Variants in OTUD7B observed in about 807,000 individuals in gnomAD.
The protein encoded by OTUD7B is OTU domain-containing protein 7B.
Under a neutral mutation model 82.2 loss-of-function variants are expected in OTUD7B, and 34 were observed. The observed-to-expected ratio is 0.41, with a 90% CI of 0.31 to 0.55. OTUD7B has a LOEUF of 0.55. OTUD7B is among the 20% of genes least tolerant of loss of function. The pLI, the probability that OTUD7B is intolerant of heterozygous loss-of-function variation, is 0.20. For synonymous variants in OTUD7B, 398 were observed against 402.7 expected (o/e 0.99, Z 0.14); for missense variants, 944 against 1,062.1 (o/e 0.89, Z 1.55).
At chr1:149,956,671 C>T (rs587680467) in intron 7 of OTUD7B, among the ~76,000 whole-genome samples, 17 of 152,302 alleles carry the variant, frequency 1.1e-4, no homozygotes, top group African/African-American at 4.1e-4. Flanking sequence ...TCAGGTACAC[C>T]AATCAGACAT....
chr1:149,959,971 T>C lies in OTUD7B; in HGVS notation c.733-175A>G, dbSNP rs189589912. Among the ~76,000 whole-genome samples, 298 of 152,356 alleles carry C rather than the reference T, an allele frequency of 2.0e-3. 1 individual carries two copies. The highest frequency in any genetic ancestry group is 3.6e-3 in the Non-Finnish European group (246 of 68,032). On this transcript the variant is annotated intron_variant, in intron 6 of 11. Transcript: ENST00000581312. The stretch of plus-strand genomic sequence containing the variant: ...TTTACAGTCAAGATCCATGAACTAA[T>C]AGTCTATGACTATTAAACTTCTTTA...
At chr1:149,945,760 T>C (rs1647667090) in intron 11 of OTUD7B, among the ~76,000 whole-genome samples, 1 of 152,108 alleles carries the variant, frequency 6.6e-6, no homozygotes, top group African/African-American at 2.4e-5. Flanking sequence ...CCAGAAAACC[T>C]TTCTTAAAGA....
At chr1:150,027,034 C>G in the OTUD7B span, among the ~76,000 whole-genome samples, 1 of 152,092 alleles carries the variant, frequency 6.6e-6, no homozygotes, top group Non-Finnish European at 1.5e-5. Context: ...GTGATGTGTT[C>G]CTGCTAAATA....
At chr1:149,949,854 A>T in intron 8 of OTUD7B, 76 bp from the exon 9 acceptor site, 1 of 1,474,558 alleles carries the variant, frequency 6.8e-7, no homozygotes, top group Non-Finnish European at 9.3e-7. Context: ...CACTCTGCCA[A>T]CTGAGTCCCT....
In OTUD7B at chr1:149,967,348, A is replaced by T; in HGVS notation, c.448T>A (p.Phe150Ile). ...TGCTCAATGAGGTCTCTCTCTATGA[A>T]GCTGCGGAAGTCTTCATTGTATACA... ...LTVYNEDFRS[F>I]IERDLIEQSM... is the part of the protein sequence containing the mutation. The change falls in exon 4 of 12, where the codon TTC becomes ATC. Residue 150 changes from phenylalanine to isoleucine, a missense_variant. By Grantham distance (21) the Phe-to-Ile change is conservative. Transcript: ENST00000581312. 1 of 1,614,160 alleles carries T rather than the reference A, an allele frequency of 6.2e-7. No homozygotes were observed.
chr1:149,949,317 T>A (rs996788977), intron 9 of OTUD7B, among the ~76,000 whole-genome samples: 1 of 152,212 alleles, frequency 6.6e-6, no homozygotes. Context: ...CTAACTCTCA[T>A]GATGTTCTTT....
At chr1:150,050,075 C>A in the OTUD7B span, among the ~76,000 whole-genome samples, 2 of 151,876 alleles carry the variant, frequency 1.3e-5, no homozygotes, top group Non-Finnish European at 2.9e-5. Context: ...ATTCTCCAGG[C>A]ATGGTGTTAC....
intron 1 of OTUD7B, among the ~76,000 whole-genome samples, chr1:149,985,448 G>A (rs1651064874): frequency 6.6e-6 from 1 of 152,052 alleles, no homozygotes; most frequent in Non-Finnish European, 1.5e-5. Context: ...ACAGGGTCGG[G>A]CATGCTGGCT....
chr1:149,969,194 G>A (rs1006858758), intron 3 of OTUD7B, among the ~76,000 whole-genome samples: 12 of 152,046 alleles, frequency 7.9e-5, no homozygotes, highest in African/African-American at 2.4e-4. Flanking sequence ...GAGGTGGTGC[G>A]TGCCCATGCT....
intron 7 of OTUD7B, among the ~76,000 whole-genome samples, chr1:149,951,689 T>C (rs1324300463): frequency 6.6e-6 from 1 of 152,234 alleles, no homozygotes; most frequent in African/African-American, 2.4e-5. Context: ...CAACTGGACT[T>C]TTCTGGGGTG....
chr1:150,063,224 G>A, the OTUD7B span, among the ~76,000 whole-genome samples: 1 of 152,112 alleles, frequency 6.6e-6, no homozygotes. Flanking sequence ...GGCCAAGGCA[G>A]GCAGATCACT....
chr1:150,050,712 C>T, the OTUD7B span, among the ~76,000 whole-genome samples: 3,263 of 152,138 alleles, frequency 0.021, 96 homozygotes, highest in African/African-American at 0.074. Flanking sequence ...TGCATTTTCC[C>T]TCATTCACAT....
intron 7 of OTUD7B, among the ~76,000 whole-genome samples, chr1:149,955,069 T>C (rs1361173564): frequency 6.6e-6 from 1 of 152,196 alleles, no homozygotes; most frequent in African/African-American, 2.4e-5. Context: ...TCTTAGTTAT[T>C]TCTTGCCTTC....
At chr1:150,002,411 T>C (rs1553785074) in intron 1 of OTUD7B, among the ~76,000 whole-genome samples, 1 of 152,138 alleles carries the variant, frequency 6.6e-6, no homozygotes, top group African/African-American at 2.4e-5. Context: ...TCCTAACACC[T>C]CATTCAGCCC....
chr1:150,034,211 T>A, the OTUD7B span, among the ~76,000 whole-genome samples: 1 of 152,186 alleles, frequency 6.6e-6, no homozygotes, highest in Non-Finnish European at 1.5e-5. Context: ...TACTTTTAAT[T>A]TCTCAAAAGA....
chr1:150,056,025 C>T, the OTUD7B span, among the ~76,000 whole-genome samples: 3 of 151,770 alleles, frequency 2.0e-5, no homozygotes, highest in Admixed American at 1.3e-4. Flanking sequence ...CATGTACCCC[C>T]GAACCTAAAA....
the OTUD7B span, among the ~76,000 whole-genome samples, chr1:150,058,734 T>C: frequency 6.6e-6 from 1 of 152,140 alleles, no homozygotes; most frequent in Non-Finnish European, 1.5e-5. Context: ...CAATAAGATA[T>C]GTCATACCAC....
chr1:150,003,440 T>C (rs1652440759), intron 1 of OTUD7B, among the ~76,000 whole-genome samples: 1 of 151,998 alleles, frequency 6.6e-6, no homozygotes, highest in Non-Finnish European at 1.5e-5. Flanking sequence ...ATCTGTAGAG[T>C]ATATCCTTAA....
At chr1:149,970,643 T>A (rs1649853673) in intron 3 of OTUD7B, among the ~76,000 whole-genome samples, 1 of 152,158 alleles carries the variant, frequency 6.6e-6, no homozygotes, top group East Asian at 1.9e-4. Context: ...AGAGAATACT[T>A]ATGTGCACAT....
Sources: gnomAD v4.1 joint callset for allele counts (sites outside exome capture counted in the v4.1 genomes callset) on GRCh38, gnomAD v4.1.1 for gene constraint, MANE v1.5 for transcripts, NCBI Gene and HGNC (gene_info 2026-07-23, HGNC 2026-07-21) for gene names.